The following GALNS variants were observed in gnomAD, a reference collection of about 807,000 sequenced individuals.
The protein encoded by GALNS is galactosamine (N-acetyl)-6-sulfatase.
In GALNS, 65 loss-of-function variants were observed where a neutral mutation model predicts 65.9. The ratio of observed to expected loss-of-function variants is 0.99; its 90% CI spans 0.81 to 1.21. The LOEUF is 1.21. Ranked by LOEUF, GALNS falls within the 50% of genes most tolerant of loss-of-function variation. GALNS has a pLI of 0.00. For synonymous variants in GALNS, 346 were observed against 288.9 expected, an observed-to-expected ratio of 1.20 and a Z score of -2.00; for missense variants, 776 against 700.7, an observed-to-expected ratio of 1.11 and a Z score of -1.21.
At chr16:88,829,530 G>A (rs1286619452) in intron 9 of GALNS, among the ~76,000 whole-genome samples, 1 of 152,236 alleles carries the variant, frequency 6.6e-6, no homozygotes, top group Non-Finnish European at 1.5e-5. Flanking sequence ...GACAAAGGCT[G>A]CCCTGGGCAG....
At chr16:88,835,492 C>G in intron 7 of GALNS, 140 bp from the exon 8 acceptor site, 2 of 1,296,298 alleles carry the variant, frequency 1.5e-6, no homozygotes, top group Non-Finnish European at 2.2e-6. Context: ...GGCCTCTTCC[C>G]AGAAGAGGAA....
In GALNS at chr16:88,824,739, G is replaced by A. The variant is rs202198198; in HGVS notation, c.1242+28C>T. On this transcript the variant is annotated intron_variant, in intron 11 of 13. Coordinates refer to ENST00000268695, the MANE Select transcript of GALNS (RefSeq NM_000512.5). ...TCTGGATAGAGATGGGGGCAGCTCC[G>A]CCTGCGCCCACGTCCCGAGCCCTGT... 2.9e-4 allele frequency: 455 copies of A among 1,585,342 alleles called. No homozygotes were observed. Among genetic ancestry groups the A allele is most frequent in the Admixed American group, 4.7e-4 (28 of 59,990 alleles).
rs116169665 is a variant in GALNS at position 88,832,347 on chromosome 16, C to T, written c.899-246G>A. ...CTGAGGAAATGGAAACACAACCATACGGTGTCAGCAAGACTCAGAGAGGTA... is the reference window on the plus strand; with the variant it reads ...CTGAGGAAATGGAAACACAACCATATGGTGTCAGCAAGACTCAGAGAGGTA... On this transcript the variant is annotated intron_variant, in intron 8 of 13. Transcript: ENST00000268695. 5.0e-3 allele frequency among the ~76,000 whole-genome samples: 755 copies of T among 152,312 alleles called. 10 individuals are homozygous for T. Among genetic ancestry groups the T allele is most frequent in the African/African-American group, 0.017 (706 of 41,556 alleles).
chr16:88,843,259 C>T (rs970263682), intron 1 of GALNS: 2 of 1,255,916 alleles, frequency 1.6e-6, no homozygotes, highest in Non-Finnish European at 2.1e-6. Flanking sequence ...ATTTCAAAGT[C>T]AACTGGTAAC....
At chr16:88,818,275 CCGGGCCT>C (rs1909848999) in intron 12 of GALNS, 151 bp from the exon 13 acceptor site, 1 of 708,412 alleles carries the variant, frequency 1.4e-6, no homozygotes, top group Non-Finnish European at 2.5e-6. Flanking sequence ...TGCAGCGGCC[CCGGGCCT>C]CGCTAGGACA....
chr16:88,817,527 T>C, intron 13 of GALNS: 1 of 985,338 alleles, frequency 1.0e-6, no homozygotes, highest in Non-Finnish European at 1.2e-6. Flanking sequence ...CACTCAACAG[T>C]GCCCACCAGC....
At chr16:88,831,274 T>TG (rs1261537355) in intron 9 of GALNS, among the ~76,000 whole-genome samples, 1 of 92,624 alleles carries the variant, frequency 1.1e-5, no homozygotes, top group African/African-American at 4.7e-5. Context: ...ACGGGGTGCG[T>TG]GGGGAGGAGA....
chr16:88,839,467 C>G (rs887912738), intron 4 of GALNS, among the ~76,000 whole-genome samples: 2 of 152,258 alleles, frequency 1.3e-5, no homozygotes, highest in African/African-American at 2.4e-5. Context: ...TGACCTGGAG[C>G]AGGGAGTGTC....
chr16:88,855,388 C>G, intron 1 of GALNS: 1 of 702,640 alleles, frequency 1.4e-6, no homozygotes, highest in Non-Finnish European at 2.6e-6. Flanking sequence ...AGAGGAACTT[C>G]AAAAGTGAAA....
intron 2 of GALNS, 85 bp from the exon 3 acceptor site, chr16:88,842,056 C>CA: frequency 1.6e-6 from 2 of 1,214,136 alleles, no homozygotes; most frequent in Non-Finnish European, 2.4e-6. Flanking sequence ...AACGAGTAGA[C>CA]AGACGCGTGA....
At chr16:88,855,165 C>T in intron 1 of GALNS, 2 of 648,162 alleles carry the variant, frequency 3.1e-6, no homozygotes, top group Non-Finnish European at 5.6e-6. Flanking sequence ...CCCAACATAA[C>T]CAAAATATTA....
At chr16:88,820,680 T>C (rs1362083473) in intron 12 of GALNS, among the ~76,000 whole-genome samples, 1 of 152,212 alleles carries the variant, frequency 6.6e-6, no homozygotes, top group Non-Finnish European at 1.5e-5. Flanking sequence ...TGGGTGGGAC[T>C]GTGTCTCTGC....
chr16:88,856,282 C>A (rs528345361), intron 1 of GALNS: 2 of 702,994 alleles, frequency 2.8e-6, no homozygotes, highest in Non-Finnish European at 5.2e-6. Context: ...CCCGGCGGCC[C>A]GAGGTGGCGG....
chr16:88,842,036 C>G (rs112246973), intron 2 of GALNS, 65 bp from the exon 3 acceptor site: 6 of 1,410,642 alleles, frequency 4.3e-6, no homozygotes. Flanking sequence ...CGGGCGTCAA[C>G]AAGAGCCCCA....
chr16:88,842,959 G>C, intron 1 of GALNS, 130 bp from the exon 2 acceptor site: 1 of 1,529,326 alleles, frequency 6.5e-7, no homozygotes, highest in Non-Finnish European at 8.8e-7. Flanking sequence ...CCCAGCCAGC[G>C]GCAGAGCTCG....
At chr16:88,834,460 C>A (rs1411328612) in intron 8 of GALNS, among the ~76,000 whole-genome samples, 1 of 39,858 alleles carries the variant, frequency 2.5e-5, no homozygotes, top group Non-Finnish European at 4.9e-5. Flanking sequence ...GGCTGTAGGG[C>A]CCCCCCCGTG....
Position 88,826,696 on chromosome 16 carries a change from A to G in GALNS, c.1139+6T>C. 6.2e-7 allele frequency: 1 copy of G among 1,612,206 alleles called. No homozygotes were observed. Among genetic ancestry groups the G allele is most frequent in the Admixed American group, 1.7e-5 (1 of 59,978 alleles). ...GGGAAGGGGCCGGGGCAGGTCTAGC[A>G]CCAACCTGTCCATCAGCCGGCCCTG... On this transcript the variant is annotated splice_donor_region_variant and intron_variant, in intron 10 of 13. Transcript: ENST00000268695.
intron 1 of GALNS, among the ~76,000 whole-genome samples, chr16:88,854,450 C>A (rs1282790009): frequency 6.6e-6 from 1 of 152,210 alleles, no homozygotes; most frequent in African/African-American, 2.4e-5. Context: ...GGCAGCTGCA[C>A]CATGGGCCCT....
intron 4 of GALNS, chr16:88,840,532 C>T (rs1414305488): frequency 6.7e-6 from 2 of 298,500 alleles, no homozygotes; most frequent in South Asian, 6.0e-5. Flanking sequence ...ATTTCATCAA[C>T]TGCTAGGCTG....
Sources: allele counts gnomAD v4.1 joint callset (sites outside exome capture counted in the v4.1 genomes callset), GRCh38; gene constraint gnomAD v4.1.1; transcripts MANE v1.5; gene names NCBI Gene and HGNC (gene_info 2026-07-23, HGNC 2026-07-21).